The following ZC3H12C variants were observed in gnomAD, a reference collection of about 807,000 sequenced individuals.
ZC3H12C encodes the protein probable ribonuclease ZC3H12C.
Under a neutral mutation model 76.3 loss-of-function variants are expected in ZC3H12C, and 20 were observed. The ratio of observed to expected loss-of-function variants is 0.26; its 90% CI spans 0.18 to 0.38. The LOEUF is 0.38. Ranked by LOEUF, ZC3H12C falls within the 10% of genes least tolerant of loss-of-function variation. ZC3H12C has a pLI of 1.00. For synonymous variants in ZC3H12C, 352 were observed against 399.6 expected (o/e 0.88, Z 1.42); for missense variants, 874 against 1,086.5 (o/e 0.80, Z 2.75).
At chr11:110,111,044 C>T (rs1861418801) in intron 1 of ZC3H12C, among the ~76,000 whole-genome samples, 1 of 152,116 alleles carries the variant, frequency 6.6e-6, no homozygotes, top group Non-Finnish European at 1.5e-5. Flanking sequence ...AGCTTAGCTT[C>T]GAGATCATCC....
chr11:110,137,144 T>C lies in ZC3H12C; in HGVS notation c.503T>C (p.Phe168Ser). The C allele has an allele frequency of 6.2e-7, 1 of 1,613,884 alleles. No homozygotes were observed. Among genetic ancestry groups the C allele is most frequent in the Admixed American group, 1.7e-5 (1 of 59,990 alleles). ...CGAGAATACCAAACAAAACTGGAGT[T>C]TGCACTTAAGTTAGGTTATTCTGAA... ...VVREYQTKLEFALKLGYSEEQ... is the reference protein window; with the variant it reads ...VVREYQTKLESALKLGYSEEQ... Residue 168 changes from phenylalanine (F) to serine (S), a missense_variant, in exon 2 of 6, where the codon TTT (phenylalanine) becomes TCT (serine). Coordinates refer to ENST00000278590, the MANE Select transcript of ZC3H12C (RefSeq NM_033390.2).
rs373492834 is a variant in ZC3H12C at position 110,106,262 on chromosome 11, C to T, written c.21+12830C>T. Among the ~76,000 whole-genome samples the T allele has an allele frequency of 2.4e-3, 33 of 14,020 alleles. 16 individuals are homozygous for T. The East Asian group carries it at 0.3, about 129-fold the overall frequency. The allele number at this position is 14,020 out of a possible 152,430, so 9.2% of individuals were successfully genotyped here. On this transcript the variant is annotated intron_variant, in intron 1 of 5. Coordinates refer to ENST00000278590, the MANE Select transcript of ZC3H12C (RefSeq NM_033390.2). ...CAGCCTGGGCGACAGAGCGAGACTC[C>T]GTCTCAAAAAAAATAAATAAATAAA...
At chr11:110,129,384 C>T (rs982073479) in intron 1 of ZC3H12C, among the ~76,000 whole-genome samples, 2 of 152,156 alleles carry the variant, frequency 1.3e-5, no homozygotes, top group Non-Finnish European at 2.9e-5. Flanking sequence ...AACATCTTAA[C>T]CATGTAGATC....
At chr11:110,101,539 T>C (rs1351528374) in intron 1 of ZC3H12C, among the ~76,000 whole-genome samples, 2 of 137,744 alleles carry the variant, frequency 1.5e-5, no homozygotes, top group Non-Finnish European at 3.1e-5. Flanking sequence ...CCCTTGGGAA[T>C]CAATGCTATT....
At chr11:110,120,544 TAA>T (rs1243751727) in intron 1 of ZC3H12C, among the ~76,000 whole-genome samples, 1 of 152,200 alleles carries the variant, frequency 6.6e-6, no homozygotes, top group Non-Finnish European at 1.5e-5. Context: ...CATGAAACAC[TAA>T]GGCAGAGCTT....
chr11:110,102,282 G>C (rs1031715091), intron 1 of ZC3H12C, among the ~76,000 whole-genome samples: 5 of 149,624 alleles, frequency 3.3e-5, no homozygotes. Flanking sequence ...GAATATTTGT[G>C]ATTCATGGGA....
intron 1 of ZC3H12C, among the ~76,000 whole-genome samples, chr11:110,118,105 T>C (rs201677791): frequency 6.4e-5 from 8 of 125,818 alleles, no homozygotes; most frequent in Admixed American, 2.6e-4. Flanking sequence ...TACACACACA[T>C]ATACACACAT....
At chr11:110,103,055 C>CTA (rs1861247987) in intron 1 of ZC3H12C, among the ~76,000 whole-genome samples, 1 of 152,188 alleles carries the variant, frequency 6.6e-6, no homozygotes, top group South Asian at 2.1e-4. Flanking sequence ...ATTCACTTTA[C>CTA]TATTACATTC....
chr11:110,115,651 T>A (rs984376339), intron 1 of ZC3H12C, among the ~76,000 whole-genome samples: 27 of 151,800 alleles, frequency 1.8e-4, no homozygotes, highest in Non-Finnish European at 5.9e-5. Context: ...CCTAGGCTGG[T>A]CTTGAACTTC....
At chr11:110,159,994 A>G (rs1253682521) in intron 4 of ZC3H12C, among the ~76,000 whole-genome samples, 4 of 152,288 alleles carry the variant, frequency 2.6e-5, no homozygotes, top group African/African-American at 7.2e-5. Context: ...TGTGGTACAT[A>G]TAGCCTGTTG....
At chr11:110,153,846 T>G (rs1341342216) in intron 3 of ZC3H12C, among the ~76,000 whole-genome samples, 1 of 152,230 alleles carries the variant, frequency 6.6e-6, no homozygotes, top group Non-Finnish European at 1.5e-5. Flanking sequence ...TATTTTGTAG[T>G]TTTTAAATGT....
intron 1 of ZC3H12C, among the ~76,000 whole-genome samples, chr11:110,114,974 AT>A (rs1477133534): frequency 6.6e-6 from 1 of 152,246 alleles, no homozygotes; most frequent in Non-Finnish European, 1.5e-5. Flanking sequence ...TAATGAAATT[AT>A]AGGAGAGGTG....
intron 3 of ZC3H12C, 88 bp downstream of exon 3, chr11:110,153,146 T>C: frequency 6.8e-7 from 1 of 1,478,174 alleles, no homozygotes; most frequent in Non-Finnish European, 9.1e-7. Flanking sequence ...CTAAATCCAT[T>C]TCACTTGCTC....
chr11:110,131,744 G>A (rs56151291), intron 1 of ZC3H12C: 36,173 of 152,310 alleles, frequency 0.24, 4,475 homozygotes, highest in Middle Eastern at 0.36. Context: ...TAAAGGGGAA[G>A]GGAGGAAGAA....
chr11:110,130,976 C>T, intron 1 of ZC3H12C: 3 of 1,488,204 alleles, frequency 2.0e-6, no homozygotes, highest in South Asian at 1.2e-5. Flanking sequence ...TAAGCAAAGA[C>T]ATTACCATTC....
chr11:110,141,646 C>T (rs1293867107), intron 2 of ZC3H12C, among the ~76,000 whole-genome samples: 1 of 152,146 alleles, frequency 6.6e-6, no homozygotes, highest in Admixed American at 6.5e-5. Flanking sequence ...GGAATTCATA[C>T]AAATTTGTTT....
At chr11:110,155,298 CAA>C (rs5794672) in intron 3 of ZC3H12C, among the ~76,000 whole-genome samples, 206 of 141,006 alleles carry the variant, frequency 1.5e-3, no homozygotes, top group Middle Eastern at 3.5e-3. Context: ...GACTCCATCT[CAA>C]AAAAAAAAAA....
chr11:110,149,596 T>C (rs1862232850), intron 2 of ZC3H12C, among the ~76,000 whole-genome samples: 1 of 152,228 alleles, frequency 6.6e-6, no homozygotes, highest in Admixed American at 6.5e-5. Context: ...ATCAATCTGA[T>C]GGGTGTGAAG....
chr11:110,115,748 C>CTTTT (rs71476067), intron 1 of ZC3H12C, among the ~76,000 whole-genome samples: 107 of 120,226 alleles, frequency 8.9e-4, no homozygotes, highest in East Asian at 1.2e-3. Flanking sequence ...TTCTCATTTT[C>CTTTT]TTTTTTTTTT....
Sources: allele counts gnomAD v4.1 joint callset (sites outside exome capture counted in the v4.1 genomes callset), GRCh38; gene constraint gnomAD v4.1.1; transcripts MANE v1.5; gene names NCBI Gene and HGNC (gene_info 2026-07-23, HGNC 2026-07-21).